Variants in STIM2 observed in about 807,000 individuals in gnomAD.
STIM2 encodes the protein stromal interaction molecule 2.
A neutral mutation model predicts 85.8 loss-of-function variants in STIM2; 31 were observed. That is an observed-to-expected ratio of 0.36 (90% confidence interval 0.27 to 0.49). The LOEUF (loss-of-function observed/expected upper bound fraction) is 0.49. Ranked by LOEUF, STIM2 falls within the 20% of genes least tolerant of loss-of-function variation. The pLI is 0.98. For missense variants in STIM2, 841 were observed against 927.6 expected (o/e 0.91, Z 1.21); for synonymous variants, 356 against 331.1 (o/e 1.08, Z -0.82).
At chr4:26,930,478 T>A (rs1001775631) in intron 2 of STIM2, among the ~76,000 whole-genome samples, 1 of 152,266 alleles carries the variant, frequency 6.6e-6, no homozygotes, top group Admixed American at 6.5e-5. Context: ...TTTAGAGGTT[T>A]TTTTTTATCA....
At position 26,911,599 on chromosome 4, in the gene STIM2, A is replaced by G. The variant is rs556091502; in HGVS notation, c.152-7905A>G. Among the ~76,000 whole-genome samples the G allele has an allele frequency of 4.1e-4, 63 of 152,344 alleles. 2 individuals are homozygous for G. The South Asian group carries it at 0.012, about 30-fold the overall frequency. On this transcript the variant is annotated intron_variant, in intron 1 of 11. Transcript: ENST00000467087. Reference sequence around the variant, plus strand: ...ATTGTTGAACTTTTGAAAAGTCTGAATAGATAATCAGAGATTATCTAGAGT... The same window carrying G: ...ATTGTTGAACTTTTGAAAAGTCTGAGTAGATAATCAGAGATTATCTAGAGT...
chr4:27,005,261 G>A (rs935150688), intron 7 of STIM2, among the ~76,000 whole-genome samples: 5 of 152,124 alleles, frequency 3.3e-5, no homozygotes, highest in African/African-American at 1.2e-4. Flanking sequence ...GTGACTAATA[G>A]TACTGCTTTA....
chr4:26,878,234 G>C (rs1722883227), intron 1 of STIM2, among the ~76,000 whole-genome samples: 1 of 152,154 alleles, frequency 6.6e-6, no homozygotes, highest in African/African-American at 2.4e-5. Context: ...TCAGTCTTAG[G>C]TAGGGCTCGT....
intron 3 of STIM2, among the ~76,000 whole-genome samples, chr4:26,966,532 C>T (rs1726728612): frequency 6.6e-6 from 1 of 151,992 alleles, no homozygotes; most frequent in South Asian, 2.1e-4. Flanking sequence ...CTTTTTCCCC[C>T]CATTTAACTG....
intron 2 of STIM2, among the ~76,000 whole-genome samples, chr4:26,937,792 G>T (rs1725447553): frequency 6.6e-6 from 1 of 152,058 alleles, no homozygotes; most frequent in Non-Finnish European, 1.5e-5. Flanking sequence ...TCTTTGTCTT[G>T]CTCCCTCACT....
chr4:26,913,774 A>G (rs1272218675), intron 1 of STIM2, among the ~76,000 whole-genome samples: 3 of 152,232 alleles, frequency 2.0e-5, no homozygotes, highest in Admixed American at 6.5e-5. Context: ...TAGTAAACAA[A>G]TATATTTTGA....
chr4:26,877,887 G>A (rs1259905455), intron 1 of STIM2, among the ~76,000 whole-genome samples: 1 of 152,034 alleles, frequency 6.6e-6, no homozygotes, highest in Admixed American at 6.5e-5. Context: ...CTCATAAGTG[G>A]GATTAATGTT....
chr4:26,985,118 T>C (rs992599779), intron 3 of STIM2, among the ~76,000 whole-genome samples: 6 of 152,190 alleles, frequency 3.9e-5, no homozygotes, highest in African/African-American at 1.4e-4. Context: ...AACATAAACC[T>C]GTCTTGACTG....
At chr4:26,909,329 G>T (rs1280918327) in intron 1 of STIM2, among the ~76,000 whole-genome samples, 1 of 152,140 alleles carries the variant, frequency 6.6e-6, no homozygotes, top group East Asian at 1.9e-4. Flanking sequence ...CCTTGCAAGG[G>T]TGCTATTATT....
At chr4:26,917,725 C>G (rs1724636446) in intron 1 of STIM2, among the ~76,000 whole-genome samples, 1 of 152,138 alleles carries the variant, frequency 6.6e-6, no homozygotes, top group Admixed American at 6.6e-5. Flanking sequence ...GTGAGAGATG[C>G]TGGCCCTTTC....
chr4:26,865,260 T>C (rs1722360253), intron 1 of STIM2, among the ~76,000 whole-genome samples: 1 of 152,198 alleles, frequency 6.6e-6, no homozygotes, highest in Non-Finnish European at 1.5e-5. Flanking sequence ...TAGTCGATTC[T>C]GAACATTTAA....
At chr4:26,948,601 A>T (rs1049168820) in intron 2 of STIM2, among the ~76,000 whole-genome samples, 7 of 152,194 alleles carry the variant, frequency 4.6e-5, no homozygotes, top group African/African-American at 1.7e-4. Flanking sequence ...GTCTCTATAA[A>T]AAGAAAATCT....
At chr4:26,985,719 C>T (rs1218264493) in intron 3 of STIM2, among the ~76,000 whole-genome samples, 1 of 152,132 alleles carries the variant, frequency 6.6e-6, no homozygotes, top group African/African-American at 2.4e-5. Flanking sequence ...TCTCCTGTCT[C>T]AGGATATCAG....
rs71643700 is a variant in STIM2, at chr4:26,891,558, TACACACACACACACACAC to T, written c.152-27923_152-27906del. Among the ~76,000 whole-genome samples the T allele has an allele frequency of 5.0e-3, 720 of 144,640 alleles. 6 individuals are homozygous for T. The highest frequency in any genetic ancestry group is 0.018 in the African/African-American group (696 of 39,674). 94.9% of individuals were successfully genotyped at this position (144,640 alleles called of 152,430 possible). The stretch of plus-strand genomic sequence containing the variant: ...ATATAAAGATATGTGTATACATACA[TACACACACACACACACAC>T]ACACACACACACACACACACACCCC... On this transcript the variant is annotated intron_variant, in intron 1 of 11. Transcript: ENST00000467087.
intron 2 of STIM2, among the ~76,000 whole-genome samples, chr4:26,927,694 AAAAAAAAAAAAAACTTGAAT>A (rs1169338250): frequency 7.0e-5 from 9 of 128,012 alleles, no homozygotes; most frequent in African/African-American, 3.1e-4. Flanking sequence ...AAAAAAAAAA[AAAAAAAAAAAAAACTTGAAT>A]AAAAAAAAAA....
intron 2 of STIM2, among the ~76,000 whole-genome samples, chr4:26,939,336 A>G (rs1324608508): frequency 6.6e-6 from 1 of 152,054 alleles, no homozygotes; most frequent in African/African-American, 2.4e-5. Context: ...CTAAATCTGT[A>G]TTAGACTTTC....
At chr4:26,906,641 A>T (rs539304883) in intron 1 of STIM2, among the ~76,000 whole-genome samples, 2 of 152,286 alleles carry the variant, frequency 1.3e-5, no homozygotes, top group East Asian at 3.9e-4. Flanking sequence ...TGTGGACCAC[A>T]TGAGAATATC....
chr4:27,022,289 T>A (rs1728939844), intron 11 of STIM2, among the ~76,000 whole-genome samples: 1 of 152,210 alleles, frequency 6.6e-6, no homozygotes, highest in African/African-American at 2.4e-5. Context: ...TGTCTGTAGT[T>A]TGTAAGATTT....
intron 4 of STIM2, 134 bp from the exon 5 acceptor site, chr4:26,999,098 A>G (rs535624142): frequency 1.3e-5 from 4 of 318,790 alleles, no homozygotes; most frequent in East Asian, 5.6e-5. Context: ...TAAATCACAC[A>G]TGGATGAGCT....
Sources: allele counts gnomAD v4.1 joint callset (sites outside exome capture counted in the v4.1 genomes callset), GRCh38; gene constraint gnomAD v4.1.1; transcripts MANE v1.5; gene names NCBI Gene and HGNC (gene_info 2026-07-23, HGNC 2026-07-21).